GRIN2A: variants seen among roughly 807,000 people sequenced by gnomAD.
GRIN2A encodes glutamate ionotropic receptor NMDA type subunit 2A.
A neutral mutation model predicts 113.4 loss-of-function variants in GRIN2A; 22 were observed. The ratio of observed to expected loss-of-function variants is 0.19; its 90% CI spans 0.14 to 0.28. The LOEUF (loss-of-function observed/expected upper bound fraction) is 0.28, where lower values mean the gene tolerates loss of function less well. Ranked by LOEUF, GRIN2A falls within the 10% of genes least tolerant of loss-of-function variation. GRIN2A has a pLI of 1.00. For synonymous variants in GRIN2A, 827 were observed against 738.4 expected (o/e 1.12, Z -1.94); for missense variants, 1,502 against 1,887.0 (o/e 0.80, Z 3.78).
intron 2 of GRIN2A, among the ~76,000 whole-genome samples, chr16:10,059,651 CT>C (rs1208913644): frequency 6.8e-6 from 1 of 148,140 alleles, no homozygotes; most frequent in East Asian, 2.0e-4. Flanking sequence ...AGAGGAAGGA[CT>C]TTTGACTTTC....
intron 2 of GRIN2A, among the ~76,000 whole-genome samples, chr16:10,078,307 A>G (rs886730426): frequency 1.3e-5 from 2 of 151,916 alleles, no homozygotes; most frequent in Admixed American, 1.3e-4. Context: ...TGCTGGGGAA[A>G]TGACAGCCTC....
chr16:9,850,677 C>T (rs1257031326), intron 4 of GRIN2A, among the ~76,000 whole-genome samples: 4 of 152,114 alleles, frequency 2.6e-5, no homozygotes, highest in Admixed American at 6.5e-5. Flanking sequence ...ACCCCAGATA[C>T]AGTTCTATTT....
intron 2 of GRIN2A, among the ~76,000 whole-genome samples, chr16:10,135,826 C>G (rs545135686): frequency 1.3e-5 from 2 of 152,260 alleles, no homozygotes; most frequent in Non-Finnish European, 2.9e-5. Context: ...TCTAAGATAA[C>G]CTCCCTTAAA....
chr16:10,152,022 C>A (rs139617384), intron 2 of GRIN2A, among the ~76,000 whole-genome samples: 1 of 152,302 alleles, frequency 6.6e-6, no homozygotes, highest in East Asian at 1.9e-4. Flanking sequence ...TCTTGTCCTT[C>A]GTCCTGAGAA....
In GRIN2A at chr16:9,758,136, G is replaced by A. The variant is rs542097466; in HGVS notation, c.*5013C>T. On this transcript the variant is annotated 3_prime_UTR_variant, in exon 13 of 13. Coordinates refer to ENST00000330684, the MANE Select transcript of GRIN2A (RefSeq NM_001134407.3). ...CTCCCCTTCTCCTAACTTTTGGTGTGGTTCTACGAACTCTATTTTTCTAAG... is the reference window on the plus strand; with the variant it reads ...CTCCCCTTCTCCTAACTTTTGGTGTAGTTCTACGAACTCTATTTTTCTAAG... The A allele has an allele frequency of 4.6e-6, 1 of 215,160 alleles. No individual in the cohort carries two copies. Among genetic ancestry groups the A allele is most frequent in the African/African-American group, 2.2e-5 (1 of 44,458 alleles). The allele number at this position is 215,160 out of a possible 1,614,324, so 13.3% of individuals were successfully genotyped here. A position where few individuals can be genotyped will look rare whatever the true frequency, so the allele number is the denominator to read the frequency against.
At chr16:9,931,729 A>T (rs1375494751) in intron 3 of GRIN2A, among the ~76,000 whole-genome samples, 1 of 152,216 alleles carries the variant, frequency 6.6e-6, no homozygotes, top group Non-Finnish European at 1.5e-5. Flanking sequence ...AGAAACACAT[A>T]TATGCATGCA....
In GRIN2A at chr16:9,758,903, T is replaced by A; in HGVS notation, c.*4246A>T. 1 of 220,294 alleles carries A rather than the reference T, an allele frequency of 4.5e-6. No homozygotes were observed. Among genetic ancestry groups the A allele is most frequent in the East Asian group, 6.6e-5 (1 of 15,094 alleles). The allele number at this position is 220,294 out of a possible 1,614,324, so 13.6% of individuals were successfully genotyped here. A position where few individuals can be genotyped will look rare whatever the true frequency, so the allele number is the denominator to read the frequency against. On this transcript the variant is annotated 3_prime_UTR_variant, in exon 13 of 13. Transcript: ENST00000330684. ...ATAAACAGTACTTTTGGAAGGAAAA[T>A]TGCCTTTACATAGAACCCTTCACTC...
intron 2 of GRIN2A, among the ~76,000 whole-genome samples, chr16:9,985,542 T>C (rs1202701663): frequency 6.6e-6 from 1 of 151,620 alleles, no homozygotes; most frequent in Admixed American, 6.6e-5. Flanking sequence ...TTTGCAACAA[T>C]ATGGATGGAA....
chr16:10,084,631 G>C (rs1379608731), intron 2 of GRIN2A, among the ~76,000 whole-genome samples: 1 of 152,074 alleles, frequency 6.6e-6, no homozygotes, highest in African/African-American at 2.4e-5. Context: ...TTCTCAGCTG[G>C]TGTCATCTCC....
intron 2 of GRIN2A, among the ~76,000 whole-genome samples, chr16:9,948,349 G>A (rs1164389312): frequency 2.0e-5 from 3 of 152,182 alleles, no homozygotes; most frequent in East Asian, 1.9e-4. Flanking sequence ...AAAACACAGC[G>A]GGTGGGGGCT....
chr16:10,008,982 TC>T (rs2046453985), intron 2 of GRIN2A, among the ~76,000 whole-genome samples: 1 of 152,198 alleles, frequency 6.6e-6, no homozygotes, highest in Non-Finnish European at 1.5e-5. Flanking sequence ...AAGCCCTGGC[TC>T]CATTTAGCTT....
chr16:9,906,128 T>C (rs1427332833), intron 3 of GRIN2A, among the ~76,000 whole-genome samples: 1 of 152,194 alleles, frequency 6.6e-6, no homozygotes, highest in Non-Finnish European at 1.5e-5. Flanking sequence ...TCATCCTCCA[T>C]ACTCATATCA....
chr16:10,148,226 T>C (rs74343295), intron 2 of GRIN2A, among the ~76,000 whole-genome samples: 1,562 of 152,308 alleles, frequency 0.01, 20 homozygotes, highest in Non-Finnish European at 0.012. Context: ...TGCCCATTCA[T>C]TGATGCATTA....
intron 10 of GRIN2A, among the ~76,000 whole-genome samples, chr16:9,812,903 A>C (rs956763764): frequency 6.6e-6 from 1 of 152,214 alleles, no homozygotes; most frequent in Non-Finnish European, 1.5e-5. Context: ...GTGAAAGAAG[A>C]ATCATGCATT....
chr16:10,091,618 GC>G (rs1213371703), intron 2 of GRIN2A, among the ~76,000 whole-genome samples: 2 of 151,828 alleles, frequency 1.3e-5, no homozygotes, highest in African/African-American at 4.8e-5. Flanking sequence ...TGGGGAATAG[GC>G]CCCATCTCAA....
intron 3 of GRIN2A, among the ~76,000 whole-genome samples, chr16:9,920,203 A>G (rs953659415): frequency 3.3e-5 from 5 of 152,228 alleles, no homozygotes; most frequent in African/African-American, 1.2e-4. Context: ...TTGAGGGTAA[A>G]TGGATACATG....
intron 2 of GRIN2A, among the ~76,000 whole-genome samples, chr16:10,154,371 A>G (rs2049646078): frequency 1.3e-5 from 2 of 152,286 alleles, no homozygotes; most frequent in African/African-American, 4.8e-5. Context: ...CTGAAACCCT[A>G]TCTTAAAGGG....
At chr16:9,883,717 G>C (rs569043523) in intron 4 of GRIN2A, among the ~76,000 whole-genome samples, 10 of 152,244 alleles carry the variant, frequency 6.6e-5, no homozygotes, top group Non-Finnish European at 1.3e-4. Context: ...CTGTGGGTCA[G>C]CCACGTGTGG....
At chr16:10,129,970 G>A (rs970804105) in intron 2 of GRIN2A, among the ~76,000 whole-genome samples, 7 of 152,220 alleles carry the variant, frequency 4.6e-5, no homozygotes, top group African/African-American at 1.7e-4. Context: ...AGAGCTAGAA[G>A]CCCTTGCTGA....
Sources: gnomAD v4.1 joint callset for allele counts (sites outside exome capture counted in the v4.1 genomes callset) on GRCh38, gnomAD v4.1.1 for gene constraint, MANE v1.5 for transcripts, NCBI Gene and HGNC (gene_info 2026-07-23, HGNC 2026-07-21) for gene names.